Variants in ARHGAP44 observed in about 807,000 individuals in gnomAD.
ARHGAP44 encodes the protein Rho GTPase activating protein 44.
A neutral mutation model predicts 106.8 loss-of-function variants in ARHGAP44; 43 were observed. That is an observed-to-expected ratio of 0.40 (90% CI 0.32 to 0.52). The LOEUF (loss-of-function observed/expected upper bound fraction) is 0.52. ARHGAP44 is among the 20% of genes least tolerant of loss of function. The pLI is 0.48. For synonymous variants in ARHGAP44, 439 were observed against 410.3 expected (o/e 1.07, Z -0.85); for missense variants, 866 against 1,050.5 (o/e 0.82, Z 2.43).
chr17:12,932,538 T>C (rs1370366063), intron 7 of ARHGAP44, among the ~76,000 whole-genome samples: 1 of 152,216 alleles, frequency 6.6e-6, no homozygotes, highest in Non-Finnish European at 1.5e-5. Context: ...TTCCTTTGCA[T>C]GGGAAAAGAT....
intron 1 of ARHGAP44, among the ~76,000 whole-genome samples, chr17:12,837,932 A>G (rs1367913447): frequency 6.6e-6 from 1 of 152,128 alleles, no homozygotes; most frequent in Non-Finnish European, 1.5e-5. Context: ...TTGAGAACCC[A>G]TCCTTTGACT....
At chr17:12,818,921 G>A (rs550236406) in intron 1 of ARHGAP44, among the ~76,000 whole-genome samples, 71 of 152,080 alleles carry the variant, frequency 4.7e-4, no homozygotes, top group African/African-American at 1.6e-3. Context: ...CAGACAAGCC[G>A]ACTCTAAAAT....
intron 18 of ARHGAP44, among the ~76,000 whole-genome samples, chr17:12,976,031 T>C (rs1057097782): frequency 1.2e-4 from 18 of 152,012 alleles, no homozygotes; most frequent in Non-Finnish European, 2.2e-4. Context: ...TTCTATCTTT[T>C]CTCAAACAGC....
intron 1 of ARHGAP44, among the ~76,000 whole-genome samples, chr17:12,836,249 T>C (rs2035234245): frequency 6.6e-6 from 1 of 152,086 alleles, no homozygotes; most frequent in Non-Finnish European, 1.5e-5. Flanking sequence ...CCAATCTTTT[T>C]TAAAAAAAGA....
At chr17:12,918,838 C>T (rs958041154) in intron 5 of ARHGAP44, among the ~76,000 whole-genome samples, 4 of 151,604 alleles carry the variant, frequency 2.6e-5, no homozygotes, top group Non-Finnish European at 4.4e-5. Context: ...TTTGGCAGGG[C>T]GGGAGTTGGG....
intron 3 of ARHGAP44, among the ~76,000 whole-genome samples, chr17:12,898,002 G>C (rs772413674): frequency 1.3e-5 from 2 of 152,054 alleles, no homozygotes; most frequent in Admixed American, 1.3e-4. Context: ...AAGATTTGAG[G>C]TATGGCAAAG....
At chr17:12,954,531 T>G (rs1414934801) in intron 13 of ARHGAP44, among the ~76,000 whole-genome samples, 1 of 152,126 alleles carries the variant, frequency 6.6e-6, no homozygotes, top group Non-Finnish European at 1.5e-5. Context: ...AGGCCGTGCG[T>G]GGAGTTGTCA....
intron 1 of ARHGAP44, among the ~76,000 whole-genome samples, chr17:12,821,037 G>A (rs1201917793): frequency 3.3e-5 from 5 of 152,096 alleles, no homozygotes; most frequent in Non-Finnish European, 7.4e-5. Flanking sequence ...TTAGATTTTA[G>A]TTTGGCATAT....
intron 1 of ARHGAP44, among the ~76,000 whole-genome samples, chr17:12,838,124 A>G (rs778101997): frequency 1.3e-5 from 2 of 152,228 alleles, no homozygotes; most frequent in Non-Finnish European, 2.9e-5. Context: ...CATTTTACAA[A>G]AACAATTTGG....
At chr17:12,961,089 G>A (rs986389724) in intron 16 of ARHGAP44, among the ~76,000 whole-genome samples, 1 of 152,120 alleles carries the variant, frequency 6.6e-6, no homozygotes, top group African/African-American at 2.4e-5. Flanking sequence ...ACCCCAAAGT[G>A]TGCCCCTCCA....
rs530798028 is a variant in ARHGAP44, at chr17:12,974,889, G to A, written c.1763+579G>A. On this transcript the variant is annotated intron_variant, in intron 18 of 20. Coordinates refer to ENST00000379672, the MANE Select transcript of ARHGAP44 (RefSeq NM_014859.6). ...TTTCGAGATGGAGTCTCGGTTGGTC[G>A]CCCAGGCTGGAGTGCAGAGGCGCGA... 4.7e-5 allele frequency among the ~76,000 whole-genome samples: 6 copies of A among 126,482 alleles called. No homozygotes were observed. The South Asian group carries it at 1.0e-3, about 21-fold the overall frequency. The allele number at this position is 126,482 out of a possible 152,430, so 83.0% of individuals were successfully genotyped here.
At chr17:12,939,477 T>C (rs532177537) in intron 7 of ARHGAP44, among the ~76,000 whole-genome samples, 2 of 152,250 alleles carry the variant, frequency 1.3e-5, no homozygotes, top group Non-Finnish European at 2.9e-5. Context: ...TATTTTTTTT[T>C]TATTTTGAGA....
rs2040094784 is a variant in ARHGAP44, at chr17:12,990,243, C to A, written c.*72C>A. The A allele has an allele frequency of 6.5e-7, 1 of 1,533,594 alleles. No homozygotes were observed. Among genetic ancestry groups the A allele is most frequent in the South Asian group, 1.2e-5 (1 of 83,120 alleles). The allele number at this position is 1,533,594 out of a possible 1,614,324, so 95.0% of individuals were successfully genotyped here. On this transcript the variant is annotated 3_prime_UTR_variant, in exon 21 of 21. Transcript: ENST00000379672. ...TAGGAACGCCGCCAGGAGCAGCGTC[C>A]ATGAGCTTGCCAAGTGTTCTCTGCT...
chr17:12,835,065 T>C (rs1333586377), intron 1 of ARHGAP44, among the ~76,000 whole-genome samples: 1 of 152,210 alleles, frequency 6.6e-6, no homozygotes, highest in Non-Finnish European at 1.5e-5. Context: ...CGAATAATCT[T>C]GCATTAGAGA....
intron 1 of ARHGAP44, among the ~76,000 whole-genome samples, chr17:12,824,728 A>C (rs1478235995): frequency 6.6e-6 from 1 of 151,914 alleles, no homozygotes; most frequent in Non-Finnish European, 1.5e-5. Flanking sequence ...GAATATGTCC[A>C]TCTAAGGTTC....
chr17:12,947,867 T>G (rs994643051), intron 10 of ARHGAP44, among the ~76,000 whole-genome samples: 1 of 152,238 alleles, frequency 6.6e-6, no homozygotes, highest in South Asian at 2.1e-4. Flanking sequence ...TCCTCACATA[T>G]ATGCCCAAAG....
intron 1 of ARHGAP44, among the ~76,000 whole-genome samples, chr17:12,810,921 C>A (rs1017839366): frequency 1.3e-5 from 2 of 152,084 alleles, no homozygotes; most frequent in African/African-American, 4.8e-5. Context: ...GGAAGTGTTA[C>A]CATAACACAA....
chr17:12,811,312 CA>C (rs368637195), intron 1 of ARHGAP44, among the ~76,000 whole-genome samples: 1,238 of 98,616 alleles, frequency 0.013, 15 homozygotes, highest in African/African-American at 0.032. Context: ...GACTCCTTCT[CA>C]AAAAAAAAAA....
intron 1 of ARHGAP44, among the ~76,000 whole-genome samples, chr17:12,857,388 C>A (rs906676085): frequency 6.6e-6 from 1 of 152,182 alleles, no homozygotes; most frequent in African/African-American, 2.4e-5. Context: ...TGAGGCCCTT[C>A]ATGCTGTGTC....
Sources: allele counts gnomAD v4.1 joint callset (sites outside exome capture counted in the v4.1 genomes callset), GRCh38; gene constraint gnomAD v4.1.1; transcripts MANE v1.5; gene names NCBI Gene and HGNC (gene_info 2026-07-23, HGNC 2026-07-21).